RBMS3: variants seen among roughly 807,000 people sequenced by gnomAD.
RBMS3 encodes the protein RNA-binding motif, single-stranded-interacting protein 3.
Under a neutral mutation model 66.8 loss-of-function variants are expected in RBMS3, and 27 were observed. The observed-to-expected ratio is 0.40, with a 90% confidence interval of 0.30 to 0.56. The LOEUF is 0.56. Ranked by LOEUF, RBMS3 falls within the 20% of genes least tolerant of loss-of-function variation. The pLI is 0.40. For missense variants in RBMS3, 513 were observed against 549.5 expected, an observed-to-expected ratio of 0.93 and a Z score of 0.66; for synonymous variants, 188 against 183.0, an observed-to-expected ratio of 1.03 and a Z score of -0.22.
intron 4 of RBMS3, among the ~76,000 whole-genome samples, chr3:29,648,197 A>T (rs1302540168): frequency 2.0e-5 from 3 of 151,526 alleles, no homozygotes; most frequent in Non-Finnish European, 2.9e-5. Context: ...TTAGATTTTT[A>T]AAAATTATAT....
intron 2 of RBMS3, among the ~76,000 whole-genome samples, chr3:29,441,943 A>G (rs1462247783): frequency 2.0e-5 from 3 of 152,172 alleles, no homozygotes; most frequent in African/African-American, 7.2e-5. Flanking sequence ...AATGAATATT[A>G]TTGTGAAAAT....
intron 3 of RBMS3, among the ~76,000 whole-genome samples, chr3:29,498,454 A>G (rs1274923656): frequency 6.6e-6 from 1 of 152,200 alleles, no homozygotes; most frequent in African/African-American, 2.4e-5. Flanking sequence ...ATAATAATGT[A>G]TAATGCACAA....
intron 2 of RBMS3, among the ~76,000 whole-genome samples, chr3:29,456,924 T>A (rs1022929603): frequency 6.6e-6 from 1 of 152,154 alleles, no homozygotes; most frequent in East Asian, 1.9e-4. Context: ...GTGATAAAGA[T>A]TGAATCAGAA....
chr3:29,341,568 C>G (rs1156917296), intron 1 of RBMS3, among the ~76,000 whole-genome samples: 2 of 151,948 alleles, frequency 1.3e-5, no homozygotes, highest in East Asian at 3.9e-4. Flanking sequence ...TATTAAAGCT[C>G]AAGGAGGTAA....
Position 29,488,459 on chromosome 3 carries a change from T to C in RBMS3, c.267T>C (p.Ser89=). 6.2e-7 allele frequency: 1 copy of C among 1,611,296 alleles called. No individual in the cohort carries two copies. The highest frequency in any genetic ancestry group is 8.5e-7 in the Non-Finnish European group (1 of 1,177,632). The change falls in exon 3 of 15, where the codon TCT becomes TCC. Residue 89 remains serine (S), a synonymous_variant. Transcript: ENST00000383767. ...KLCQPYGKIV[S]TKAILDKNTN... ...CTTTCAGGTATGGAAAAATTGTATC[T>C]ACAAAGGCAATTCTTGACAAAAACA...
At chr3:29,668,317 A>T (rs1292413170) in intron 4 of RBMS3, among the ~76,000 whole-genome samples, 1 of 152,214 alleles carries the variant, frequency 6.6e-6, no homozygotes, top group African/African-American at 2.4e-5. Context: ...ATACCTGTCT[A>T]ACACTGCTGT....
At chr3:29,814,739 C>T (rs184846747) in intron 6 of RBMS3, among the ~76,000 whole-genome samples, 2 of 152,196 alleles carry the variant, frequency 1.3e-5, no homozygotes, top group African/African-American at 2.4e-5. Flanking sequence ...AATTTATCCA[C>T]GTGCACATTG....
intron 1 of RBMS3, among the ~76,000 whole-genome samples, chr3:29,285,367 C>T (rs868538085): frequency 2.6e-5 from 4 of 151,560 alleles, no homozygotes; most frequent in African/African-American, 4.8e-5. Flanking sequence ...TTTTTCCAGC[C>T]GAGAAATAGA....
intron 10 of RBMS3, among the ~76,000 whole-genome samples, chr3:29,919,256 C>T (rs897714420): frequency 3.3e-5 from 5 of 152,146 alleles, no homozygotes; most frequent in East Asian, 3.9e-4. Context: ...AAGACCATTC[C>T]CATTGAAAAA....
intron 10 of RBMS3, among the ~76,000 whole-genome samples, chr3:29,928,197 TATATATATATATATACACAC>T (rs2060995857): frequency 1.9e-5 from 2 of 103,370 alleles, no homozygotes; most frequent in African/African-American, 7.1e-5. Flanking sequence ...TATATATATA[TATATATATATATATACACAC>T]ACACACACAC....
intron 3 of RBMS3, among the ~76,000 whole-genome samples, chr3:29,506,443 G>A (rs1204613390): frequency 1.3e-5 from 2 of 151,932 alleles, no homozygotes; most frequent in African/African-American, 4.8e-5. Context: ...TGATCATGGT[G>A]AATGCTTCTT....
Position 30,004,621 on chromosome 3 carries a change from G to A in RBMS3, c.*759G>A, listed in dbSNP as rs927469549. ...AACTGCAAGAATTGGAAAAATGCTG[G>A]GACTTTTCATGAACTTTGTCTTAAG... is the stretch of plus-strand genomic sequence containing the variant. On this transcript the variant is annotated 3_prime_UTR_variant, in exon 15 of 15. Transcript: ENST00000383767. 1 of 152,084 alleles carries A rather than the reference G, an allele frequency of 6.6e-6. No homozygotes were observed. The highest frequency in any genetic ancestry group is 1.9e-4 in the East Asian group (1 of 5,152). 9.4% of individuals were successfully genotyped at this position (152,084 alleles called of 1,614,324 possible). A position where few individuals can be genotyped will look rare whatever the true frequency, so the allele number is the denominator to read the frequency against.
intron 4 of RBMS3, among the ~76,000 whole-genome samples, chr3:29,663,737 T>C (rs571995427): frequency 6.7e-6 from 1 of 149,250 alleles, no homozygotes; most frequent in East Asian, 2.0e-4. Flanking sequence ...GATCAGACAT[T>C]CGTAGATTGT....
chr3:29,598,322 G>A (rs926580229), intron 4 of RBMS3, among the ~76,000 whole-genome samples: 3 of 151,878 alleles, frequency 2.0e-5, no homozygotes, highest in East Asian at 1.9e-4. Flanking sequence ...ATATATTCCC[G>A]AGGAAGCCAC....
chr3:29,337,871 T>A (rs533938015), intron 1 of RBMS3, among the ~76,000 whole-genome samples: 10 of 152,306 alleles, frequency 6.6e-5, no homozygotes, highest in Admixed American at 4.6e-4. Context: ...CTTTCTAAAT[T>A]ACATTTGTGG....
intron 1 of RBMS3, among the ~76,000 whole-genome samples, chr3:29,285,640 G>C (rs2032263051): frequency 6.6e-6 from 1 of 152,130 alleles, no homozygotes; most frequent in African/African-American, 2.4e-5. Context: ...GTGATACTCA[G>C]ATTGTGTTCA....
intron 4 of RBMS3, among the ~76,000 whole-genome samples, chr3:29,590,299 T>C (rs991044841): frequency 1.3e-5 from 2 of 152,076 alleles, no homozygotes; most frequent in Non-Finnish European, 2.9e-5. Flanking sequence ...AGAGAACTGC[T>C]GTGAGAATTT....
intron 13 of RBMS3, among the ~76,000 whole-genome samples, chr3:29,990,206 TAG>T (rs948177659): frequency 4.8e-5 from 7 of 145,452 alleles, no homozygotes; most frequent in African/African-American, 1.7e-4. Context: ...AAAGATTGAA[TAG>T]AGAGACTTTT....
chr3:29,899,718 C>T lies in RBMS3; in HGVS notation c.902C>T (p.Ser301Leu), dbSNP rs1433233410. Residue 301 changes from serine to leucine, a missense_variant, in exon 10 of 15, where the codon TCA (serine) becomes TTA (leucine). Coordinates refer to ENST00000383767, the MANE Select transcript of RBMS3 (RefSeq NM_001003793.3). ...TTTGATGCATAGGTCCAGAGTACTT[C>T]ATGGATGCCTCATCCGCCATACGTT... is the stretch of plus-strand genomic sequence containing the variant. ...PVSTYQVQSTSWMPHPPYVMQ... is the reference protein window; with the variant it reads ...PVSTYQVQSTLWMPHPPYVMQ... 6.2e-7 allele frequency: 1 copy of T among 1,610,088 alleles called. No homozygotes were observed. The highest frequency in any genetic ancestry group is 1.3e-5 in the African/African-American group (1 of 74,586).
Sources: allele counts gnomAD v4.1 joint callset (sites outside exome capture counted in the v4.1 genomes callset), GRCh38; gene constraint gnomAD v4.1.1; transcripts MANE v1.5; gene names NCBI Gene and HGNC (gene_info 2026-07-23, HGNC 2026-07-21).